ENOX1: variants seen among roughly 807,000 people sequenced by gnomAD.
ENOX1 encodes the protein ecto-NOX disulfide-thiol exchanger 1.
A neutral mutation model predicts 82.5 loss-of-function variants in ENOX1; 42 were observed. The observed-to-expected ratio is 0.51, with a 90% CI of 0.40 to 0.66. ENOX1 has a LOEUF of 0.66. Ranked by LOEUF, ENOX1 falls within the 30% of genes least tolerant of loss-of-function variation. The pLI, the probability that ENOX1 is intolerant of heterozygous loss-of-function variation, is 0.00. For missense variants in ENOX1, 608 were observed against 811.6 expected (o/e 0.75, Z 3.05); for synonymous variants, 271 against 282.2 (o/e 0.96, Z 0.40).
chr13:43,397,735 A>G (rs2053242161), intron 5 of ENOX1, among the ~76,000 whole-genome samples: 1 of 152,244 alleles, frequency 6.6e-6, no homozygotes, highest in Non-Finnish European at 1.5e-5. Context: ...AATATAGTTT[A>G]TTACAGTTCA....
At chr13:43,566,769 G>A (rs750705097) in intron 2 of ENOX1, among the ~76,000 whole-genome samples, 76 of 151,938 alleles carry the variant, frequency 5.0e-4, no homozygotes, top group Non-Finnish European at 9.0e-4. Context: ...ATAGATCTTC[G>A]AAAAATTTAA....
intron 2 of ENOX1, among the ~76,000 whole-genome samples, chr13:43,493,201 C>A (rs2076680926): frequency 6.6e-6 from 1 of 152,054 alleles, no homozygotes; most frequent in Non-Finnish European, 1.5e-5. Flanking sequence ...AGAACCTTGA[C>A]TGTTGAGATA....
chr13:43,373,306 A>G (rs2051369913), intron 5 of ENOX1, among the ~76,000 whole-genome samples: 1 of 152,188 alleles, frequency 6.6e-6, no homozygotes, highest in Non-Finnish European at 1.5e-5. Flanking sequence ...GTTTCTCTAC[A>G]AAAGAAACTT....
intron 12 of ENOX1, among the ~76,000 whole-genome samples, chr13:43,280,934 T>C (rs906467712): frequency 7.9e-5 from 12 of 152,110 alleles, no homozygotes; most frequent in East Asian, 5.8e-4. Context: ...GTTTGCTCCT[T>C]CCCCCAAAGT....
rs140525656 is a variant in ENOX1, at chr13:43,248,075, C to T, written c.1612-11337G>A. Among the ~76,000 whole-genome samples the T allele has an allele frequency of 9.6e-3, 1,432 of 149,468 alleles. 26 individuals are homozygous for T. The highest frequency in any genetic ancestry group is 0.033 in the African/African-American group (1,349 of 40,730). ...TAATTTTTTGTATTTTTAGTAGAGA[C>T]GGGGTTTCACCGTGTTAGCCGGGAT... On this transcript the variant is annotated intron_variant, in intron 14 of 16. Coordinates refer to ENST00000690772, the MANE Select transcript of ENOX1 (RefSeq NM_001347969.2).
intron 2 of ENOX1, among the ~76,000 whole-genome samples, chr13:43,646,763 A>T (rs779594272): frequency 6.6e-6 from 1 of 152,152 alleles, no homozygotes; most frequent in Non-Finnish European, 1.5e-5. Context: ...GTCTTGGGGC[A>T]CTGAGGTGAT....
chr13:43,364,218 G>A (rs931011035), intron 5 of ENOX1, among the ~76,000 whole-genome samples: 6 of 152,156 alleles, frequency 3.9e-5, no homozygotes, highest in African/African-American at 1.4e-4. Flanking sequence ...AACACAGGAA[G>A]ACAAAGGGGA....
chr13:43,317,888 C>T (rs2047599995), intron 11 of ENOX1, among the ~76,000 whole-genome samples: 1 of 151,926 alleles, frequency 6.6e-6, no homozygotes, highest in Non-Finnish European at 1.5e-5. Context: ...GCCTGTAGTC[C>T]TAGCTACTCG....
intron 2 of ENOX1, among the ~76,000 whole-genome samples, chr13:43,612,567 G>A (rs2082242822): frequency 6.6e-6 from 1 of 152,086 alleles, no homozygotes; most frequent in African/African-American, 2.4e-5. Flanking sequence ...AAAGCGAAAA[G>A]TAAAGGCAGA....
At chr13:43,362,156 T>TACACAC (rs10531058) in intron 5 of ENOX1, among the ~76,000 whole-genome samples, 5,860 of 145,756 alleles carry the variant, frequency 0.04, 385 homozygotes, top group African/African-American at 0.13. Context: ...TGCCCTGTAT[T>TACACAC]ACACACACAC....
At chr13:43,738,168 T>G (rs1379302703) in intron 1 of ENOX1, among the ~76,000 whole-genome samples, 1 of 152,176 alleles carries the variant, frequency 6.6e-6, no homozygotes, top group Non-Finnish European at 1.5e-5. Flanking sequence ...ACAAAAGCCC[T>G]TTTACCCAAG....
chr13:43,280,064 A>G (rs937517171), intron 12 of ENOX1, among the ~76,000 whole-genome samples: 3 of 152,132 alleles, frequency 2.0e-5, no homozygotes, highest in South Asian at 2.1e-4. Flanking sequence ...GTTTTTTGCA[A>G]TTATGTGAGG....
At chr13:43,780,817 C>A (rs912924327) in intron 1 of ENOX1, among the ~76,000 whole-genome samples, 3 of 152,214 alleles carry the variant, frequency 2.0e-5, no homozygotes, top group Non-Finnish European at 2.9e-5. Context: ...TACTCTCTTG[C>A]AAATGAGACC....
intron 5 of ENOX1, among the ~76,000 whole-genome samples, chr13:43,364,153 A>G (rs7993727): frequency 6.6e-6 from 1 of 152,224 alleles, no homozygotes; most frequent in Non-Finnish European, 1.5e-5. Flanking sequence ...ACAGGAGCAT[A>G]TGATGTACTC....
intron 11 of ENOX1, among the ~76,000 whole-genome samples, chr13:43,321,815 A>G (rs1280177228): frequency 6.6e-6 from 1 of 152,246 alleles, no homozygotes; most frequent in Non-Finnish European, 1.5e-5. Flanking sequence ...ATTCAATGAG[A>G]GCGTTTTAAA....
In ENOX1 at chr13:43,536,410, T is replaced by G. The variant is rs575702056; in HGVS notation, c.-218-52258A>C. ...TTTTAGTCCTGTTTCATAGAAAAGT[T>G]TACAATATTTGCTTTGGAGAAATTT... is the stretch of plus-strand genomic sequence containing the variant. On this transcript the variant is annotated intron_variant, in intron 2 of 16. Coordinates refer to ENST00000690772, the MANE Select transcript of ENOX1 (RefSeq NM_001347969.2). Among the ~76,000 whole-genome samples the G allele has an allele frequency of 3.9e-5, 6 of 152,318 alleles. No individual in the cohort carries two copies. The East Asian group carries it at 1.2e-3, about 29-fold the overall frequency.
chr13:43,262,048 A>T (rs558637031), intron 14 of ENOX1, among the ~76,000 whole-genome samples: 1 of 152,206 alleles, frequency 6.6e-6, no homozygotes, highest in African/African-American at 2.4e-5. Context: ...TTATAATAAT[A>T]TAATGAAAAA....
intron 2 of ENOX1, among the ~76,000 whole-genome samples, chr13:43,512,505 C>T (rs1407541719): frequency 6.6e-6 from 1 of 152,080 alleles, no homozygotes; most frequent in African/African-American, 2.4e-5. Context: ...GACTGAAAAA[C>T]TTGCCAGCAC....
chr13:43,408,869 G>C (rs928824493), intron 5 of ENOX1, among the ~76,000 whole-genome samples: 2 of 151,618 alleles, frequency 1.3e-5, no homozygotes, highest in African/African-American at 4.8e-5. Context: ...TTCCAGAGTG[G>C]GCAAACCTTT....
Sources: gnomAD v4.1 joint callset for allele counts (sites outside exome capture counted in the v4.1 genomes callset) on GRCh38, gnomAD v4.1.1 for gene constraint, MANE v1.5 for transcripts, NCBI Gene and HGNC (gene_info 2026-07-23, HGNC 2026-07-21) for gene names.